MPRIP: variants seen among roughly 807,000 people sequenced by gnomAD.
The protein encoded by MPRIP is myosin phosphatase Rho-interacting protein.
In MPRIP, 59 loss-of-function variants were observed where a neutral mutation model predicts 234.9. The ratio of observed to expected loss-of-function variants is 0.25; its 90% CI spans 0.20 to 0.31. MPRIP has a LOEUF of 0.31. Ranked by LOEUF, MPRIP falls within the 10% of genes least tolerant of loss-of-function variation. The pLI, the probability that MPRIP is intolerant of heterozygous loss-of-function variation, is 1.00. For synonymous variants in MPRIP, 1,144 were observed against 1,263.9 expected, an observed-to-expected ratio of 0.91 and a Z score of 2.01; for missense variants, 2,436 against 3,071.0, an observed-to-expected ratio of 0.79 and a Z score of 4.89.
In MPRIP at chr17:17,167,651, G is replaced by A; in HGVS notation, c.6060G>A (p.Leu2020=). The A allele has an allele frequency of 7.7e-7, 1 of 1,304,308 alleles. No homozygotes were observed. Among genetic ancestry groups the A allele is most frequent in the Non-Finnish European group, 1.0e-6 (1 of 988,958 alleles). The allele number at this position is 1,304,308 out of a possible 1,614,324, so 80.8% of individuals were successfully genotyped here. A position where few individuals can be genotyped will look rare whatever the true frequency, so the allele number is the denominator to read the frequency against. Residue 2020 remains leucine (L), a synonymous_variant, in exon 16 of 24, where the codon CTG becomes CTA. Coordinates refer to ENST00000651222, the MANE Select transcript of MPRIP (RefSeq NM_001364716.4). The surrounding 1 kb of genome is among the most constrained non-coding windows in gnomAD (Gnocchi z 5.9). The part of the protein sequence containing the change: ...QTIHEEELRT[L]QEHYSQSLRC... Reference sequence around the variant, plus strand: ...TCCACGAGGAGGAGCTGAGGACCCTGCAGGAGCACTACTCGCAGAGCCTGA... The same window carrying A: ...TCCACGAGGAGGAGCTGAGGACCCTACAGGAGCACTACTCGCAGAGCCTGA...
At chr17:17,147,519 C>T (rs2045499832) in intron 11 of MPRIP, 132 bp downstream of exon 11, 1 of 844,042 alleles carries the variant, frequency 1.2e-6, no homozygotes, top group Admixed American at 2.0e-5. Context: ...GTGGTGTTAC[C>T]TTGCCGAAGG....
chr17:17,087,235 G>C (rs1004115174), intron 3 of MPRIP, among the ~76,000 whole-genome samples: 1 of 152,176 alleles, frequency 6.6e-6, no homozygotes, highest in Non-Finnish European at 1.5e-5. Context: ...GCTAGGGGGA[G>C]GGGGAGGGAG....
intron 9 of MPRIP, among the ~76,000 whole-genome samples, chr17:17,143,912 G>C (rs555080050): frequency 6.6e-6 from 1 of 152,184 alleles, no homozygotes; most frequent in East Asian, 1.9e-4. Flanking sequence ...GAGGCCCTGC[G>C]GAGGAGGCCA....
chr17:17,049,795 C>T (rs1341748244), intron 1 of MPRIP, among the ~76,000 whole-genome samples: 1 of 152,220 alleles, frequency 6.6e-6, no homozygotes, highest in Non-Finnish European at 1.5e-5. Flanking sequence ...CAATTTGGCA[C>T]AGGGGCACAG....
At chr17:17,171,938 G>A in intron 17 of MPRIP, 73 bp downstream of exon 17, 5 of 1,481,436 alleles carry the variant, frequency 3.4e-6, no homozygotes, top group Non-Finnish European at 4.6e-6. Flanking sequence ...CAACTCAGAG[G>A]AATGGCAGCC....
Position 17,166,843 on chromosome 17 carries a change from G to A in MPRIP, c.5252G>A (p.Gly1751Glu), listed in dbSNP as rs975754421. Residue 1751 changes from glycine (G) to glutamate (E), a missense_variant, in exon 16 of 24, where the codon GGA becomes GAA. Physicochemically the swap from Gly to Glu is moderately conservative, Grantham distance 98. Coordinates refer to ENST00000651222, the MANE Select transcript of MPRIP (RefSeq NM_001364716.4). This position sits in a 1 kb window ranked among gnomAD's most constrained non-coding sequence, Gnocchi z 4.4. ...CTGTCCTGGGACCTGAGCCCCTTAG[G>A]AGAAGTCCTGGGCCGAGACTCAGAC... ...VQLSWDLSPL[G>E]EVLGRDSDSS... is the part of the protein sequence containing the mutation. 4 of 1,304,036 alleles carry A rather than the reference G, an allele frequency of 3.1e-6. No individual in the cohort carries two copies. Among genetic ancestry groups the A allele is most frequent in the South Asian group, 1.2e-5 (1 of 81,032 alleles). The allele number at this position is 1,304,036 out of a possible 1,614,324, so 80.8% of individuals were successfully genotyped here.
At chr17:17,123,268 T>C (rs1390761459) in intron 3 of MPRIP, among the ~76,000 whole-genome samples, 1 of 152,158 alleles carries the variant, frequency 6.6e-6, no homozygotes, top group Admixed American at 6.5e-5. Context: ...GTTCTGCACT[T>C]GATTGCAGAA....
At chr17:17,097,411 T>G (rs1365145586) in intron 3 of MPRIP, 1 of 152,376 alleles carries the variant, frequency 6.6e-6, no homozygotes, top group Non-Finnish European at 1.5e-5. Context: ...GCGGATCGCT[T>G]GAAGCCAGGG....
chr17:17,137,622 T>C (rs1435075747), intron 6 of MPRIP, among the ~76,000 whole-genome samples: 1 of 151,496 alleles, frequency 6.6e-6, no homozygotes, highest in Non-Finnish European at 1.5e-5. Flanking sequence ...ACAGATCTGA[T>C]CTTCCAGCCA....
chr17:17,177,652 A>G (rs901551359), intron 22 of MPRIP, among the ~76,000 whole-genome samples: 1 of 152,194 alleles, frequency 6.6e-6, no homozygotes. Context: ...TATCAGCATA[A>G]TATTTTCGAA....
chr17:17,079,041 C>G (rs2089401081), intron 3 of MPRIP, among the ~76,000 whole-genome samples: 1 of 152,142 alleles, frequency 6.6e-6, no homozygotes, highest in South Asian at 2.1e-4. Context: ...ATAACTGTCC[C>G]TAGAGGTACC....
chr17:17,158,890 C>T lies in MPRIP; in HGVS notation c.2288C>T (p.Thr763Ile), dbSNP rs756452853. 25 of 1,612,104 alleles carry T rather than the reference C, an allele frequency of 1.6e-5. No homozygotes were observed. Among genetic ancestry groups the T allele is most frequent in the Non-Finnish European group, 2.0e-5 (24 of 1,180,024 alleles). The change falls in exon 14 of 24, where the codon ACC (threonine) becomes ATC (isoleucine). Residue 763 changes from threonine (T) to isoleucine (I), a missense_variant. Physicochemically the swap from Thr to Ile is moderately conservative, Grantham distance 89 (BLOSUM62 -1). Around this residue, in one of 4 missense-constraint regions of MPRIP, gnomAD observed 1,998 missense variants for 2,520.3 expected, o/e 0.79. Coordinates refer to ENST00000651222, the MANE Select transcript of MPRIP (RefSeq NM_001364716.4). ...EIEQRWHQVE[T>I]TPLREEKQVP... is the part of the protein sequence containing the mutation. ...GAGCAGCGGTGGCATCAGGTGGAGA[C>T]CACACCTCTCCGGGAAGAGAAGCAG...
At chr17:17,069,271 G>A (rs1258707326) in intron 1 of MPRIP, among the ~76,000 whole-genome samples, 1 of 151,946 alleles carries the variant, frequency 6.6e-6, no homozygotes, top group East Asian at 1.9e-4. Flanking sequence ...AATATTTTCA[G>A]GATGTATCAC....
intron 1 of MPRIP, among the ~76,000 whole-genome samples, chr17:17,044,798 A>G (rs972316615): frequency 6.6e-6 from 1 of 152,162 alleles, no homozygotes; most frequent in Non-Finnish European, 1.5e-5. Context: ...AACTTAAAAT[A>G]CTGTACTCTC....
At chr17:17,095,265 G>C (rs2089812687) in intron 3 of MPRIP, among the ~76,000 whole-genome samples, 1 of 152,094 alleles carries the variant, frequency 6.6e-6, no homozygotes, top group Non-Finnish European at 1.5e-5. Context: ...TTATGGTCTT[G>C]GGCTTTCTCG....
At chr17:17,129,092 G>C (rs1420251973) in intron 4 of MPRIP, among the ~76,000 whole-genome samples, 1 of 152,186 alleles carries the variant, frequency 6.6e-6, no homozygotes, top group Non-Finnish European at 1.5e-5. Flanking sequence ...TGCGTGGGCT[G>C]CCGGGTCTCT....
chr17:17,123,457 GT>G (rs1284990238), intron 3 of MPRIP, among the ~76,000 whole-genome samples: 1 of 152,174 alleles, frequency 6.6e-6, no homozygotes, highest in Admixed American at 6.5e-5. Flanking sequence ...GATGTCAGGA[GT>G]TCGAGACCAG....
At chr17:17,175,854 G>T (rs1249076284) in intron 20 of MPRIP, among the ~76,000 whole-genome samples, 1 of 152,210 alleles carries the variant, frequency 6.6e-6, no homozygotes, top group Non-Finnish European at 1.5e-5. Context: ...CCTAAAATGT[G>T]CTAAAATTTC....
At chr17:17,179,283 C>G (rs531765703) in intron 22 of MPRIP, among the ~76,000 whole-genome samples, 1 of 152,104 alleles carries the variant, frequency 6.6e-6, no homozygotes, top group South Asian at 2.1e-4. Flanking sequence ...CCCGTCTCTA[C>G]TAAAAATACA....
Sources: allele counts gnomAD v4.1 joint callset (sites outside exome capture counted in the v4.1 genomes callset), GRCh38; gene constraint gnomAD v4.1.1; regional missense constraint gnomAD v4.1.1; non-coding constraint Gnocchi (gnomAD v3.1); transcripts MANE v1.5; gene names NCBI Gene and HGNC (gene_info 2026-07-23, HGNC 2026-07-21).